The following MKLN1 variants were observed in gnomAD, a reference collection of about 807,000 sequenced individuals.
The protein encoded by MKLN1 is muskelin.
Under a neutral mutation model 99.0 loss-of-function variants are expected in MKLN1, and 18 were observed. The ratio of observed to expected loss-of-function variants is 0.18; its 90% CI spans 0.13 to 0.27. The LOEUF (loss-of-function observed/expected upper bound fraction) is 0.27. MKLN1 is among the 10% of genes least tolerant of loss of function. MKLN1 has a pLI of 1.00. For missense variants in MKLN1, 621 were observed against 875.9 expected, an observed-to-expected ratio of 0.71 and a Z score of 3.67; for synonymous variants, 288 against 293.2, an observed-to-expected ratio of 0.98 and a Z score of 0.18.
At chr7:131,485,837 G>C (rs1451968220) in intron 17 of MKLN1, among the ~76,000 whole-genome samples, 25 of 151,974 alleles carry the variant, frequency 1.6e-4, no homozygotes. Flanking sequence ...CAGGAGACTT[G>C]GAAACTAAAT....
chr7:131,337,772 T>G (rs1197490649), intron 1 of MKLN1, among the ~76,000 whole-genome samples: 4 of 150,658 alleles, frequency 2.7e-5, no homozygotes, highest in African/African-American at 9.7e-5. Context: ...TTATATATTC[T>G]ATTGTATATT....
chr7:131,333,488 G>A (rs1799155826), intron 1 of MKLN1, among the ~76,000 whole-genome samples: 1 of 151,844 alleles, frequency 6.6e-6, no homozygotes, highest in East Asian at 1.9e-4. Flanking sequence ...TTTCATTTGT[G>A]TTTCTTGTTA....
At chr7:131,375,187 A>G (rs1040927559) in intron 1 of MKLN1, among the ~76,000 whole-genome samples, 2 of 152,172 alleles carry the variant, frequency 1.3e-5, no homozygotes, top group South Asian at 2.1e-4. Flanking sequence ...ATTTTAAACA[A>G]AAGTGCCTTA....
At chr7:131,203,997 T>C (rs1189904879) in intron 3 of MKLN1, among the ~76,000 whole-genome samples, 1 of 152,188 alleles carries the variant, frequency 6.6e-6, no homozygotes, top group African/African-American at 2.4e-5. Flanking sequence ...GGAATTTAAG[T>C]CACTTACCTA....
At chr7:131,252,781 G>A (rs935710507) in intron 3 of MKLN1, among the ~76,000 whole-genome samples, 1 of 152,122 alleles carries the variant, frequency 6.6e-6, no homozygotes, top group Admixed American at 6.6e-5. Context: ...TTTGATTAGT[G>A]TCTGTGGTGC....
intron 1 of MKLN1, among the ~76,000 whole-genome samples, chr7:131,366,445 C>G (rs906988826): frequency 6.6e-6 from 1 of 152,022 alleles, no homozygotes; most frequent in Non-Finnish European, 1.5e-5. Flanking sequence ...CCTGACCAGC[C>G]CTTATCAGAA....
intron 3 of MKLN1, among the ~76,000 whole-genome samples, chr7:131,216,262 A>T (rs1217287265): frequency 4.0e-5 from 6 of 151,758 alleles, no homozygotes; most frequent in Non-Finnish European, 5.9e-5. Context: ...CTGTACTGAA[A>T]ATACAAAAAA....
intron 3 of MKLN1, among the ~76,000 whole-genome samples, chr7:131,299,359 A>G (rs1798341812): frequency 6.6e-6 from 1 of 152,222 alleles, no homozygotes; most frequent in Non-Finnish European, 1.5e-5. Context: ...GTGAAGGTCA[A>G]TGAACTACAT....
chr7:131,221,060 A>T (rs1390033464), intron 3 of MKLN1, among the ~76,000 whole-genome samples: 1 of 152,162 alleles, frequency 6.6e-6, no homozygotes, highest in East Asian at 1.9e-4. Flanking sequence ...CATCTGCCTC[A>T]TATCAGTGAT....
intron 3 of MKLN1, among the ~76,000 whole-genome samples, chr7:131,320,671 A>G (rs1414667837): frequency 6.6e-6 from 1 of 152,210 alleles, no homozygotes; most frequent in Non-Finnish European, 1.5e-5. Flanking sequence ...AAATTTTGCA[A>G]TCTACCCATG....
intron 1 of MKLN1, among the ~76,000 whole-genome samples, chr7:131,353,528 T>C: frequency 6.6e-6 from 1 of 152,118 alleles, no homozygotes; most frequent in East Asian, 1.9e-4. Context: ...TTTAGGTCTT[T>C]TGTTGCGTAT....
intron 3 of MKLN1, among the ~76,000 whole-genome samples, chr7:131,203,877 T>C (rs1011609045): frequency 6.6e-6 from 1 of 152,130 alleles, no homozygotes; most frequent in African/African-American, 2.4e-5. Context: ...CCACCAGAGA[T>C]TGCTGGATCC....
At chr7:131,474,576 G>A (rs1286504670) in intron 16 of MKLN1, among the ~76,000 whole-genome samples, 2 of 152,112 alleles carry the variant, frequency 1.3e-5, no homozygotes, top group African/African-American at 2.4e-5. Flanking sequence ...TATCCTATAT[G>A]TAGAGCCAAT....
Position 131,197,370 on chromosome 7 carries a change from A to G in MKLN1, c.-296-5487A>G, listed in dbSNP as rs187530512. Among the ~76,000 whole-genome samples, 347 of 142,824 alleles carry G rather than the reference A, an allele frequency of 2.4e-3. 1 individual carries two copies. The highest frequency in any genetic ancestry group is 5.2e-3 in the Admixed American group (71 of 13,704). The allele number at this position is 142,824 out of a possible 152,430, so 93.7% of individuals were successfully genotyped here. A position where few individuals can be genotyped will look rare whatever the true frequency, so the allele number is the denominator to read the frequency against. ...AAATGCGTGCCACCATGCCCAGTTA[A>G]TTAAAATTTTATTATTATTATTATT... On this transcript the variant is annotated intron_variant, in intron 2 of 7. Transcript: ENST00000416992.
intron 17 of MKLN1, among the ~76,000 whole-genome samples, chr7:131,483,614 A>T (rs1435108142): frequency 6.6e-6 from 1 of 152,170 alleles, no homozygotes; most frequent in South Asian, 2.1e-4. Flanking sequence ...ATTTTTCCCC[A>T]TAAGGCCTTT....
chr7:131,127,316 A>G (rs1314568276), intron 1 of MKLN1, among the ~76,000 whole-genome samples: 1 of 152,246 alleles, frequency 6.6e-6, no homozygotes, highest in African/African-American at 2.4e-5. Context: ...CAGGTGGGAA[A>G]GAGTCAGAAA....
chr7:131,380,159 GT>G (rs1793800692), intron 2 of MKLN1, among the ~76,000 whole-genome samples: 1 of 152,088 alleles, frequency 6.6e-6, no homozygotes. Flanking sequence ...TATCATCCCG[GT>G]ACTTGAAACT....
intron 3 of MKLN1, chr7:131,243,103 A>G (rs1188816838): frequency 5.3e-6 from 2 of 380,210 alleles, no homozygotes; most frequent in Admixed American, 3.2e-5. Flanking sequence ...AGTGAAGTAC[A>G]TTTGAGACAA....
chr7:131,389,044 C>A, intron 4 of MKLN1, 72 bp downstream of exon 4: 2 of 901,764 alleles, frequency 2.2e-6, no homozygotes, highest in East Asian at 2.7e-5. Flanking sequence ...GCCCATAGAC[C>A]AAATCCTGCA....
Sources: gnomAD v4.1 joint callset for allele counts (sites outside exome capture counted in the v4.1 genomes callset) on GRCh38, gnomAD v4.1.1 for gene constraint, MANE v1.5 for transcripts, NCBI Gene and HGNC (gene_info 2026-07-23, HGNC 2026-07-21) for gene names.